Variants in C3orf22 observed in about 807,000 individuals in gnomAD.
C3orf22 encodes uncharacterized protein C3orf22.
In C3orf22, 7 loss-of-function variants were observed where a neutral mutation model predicts 10.8. That is an observed-to-expected ratio of 0.65 (90% confidence interval 0.37 to 1.22). The LOEUF is 1.22. Ranked by LOEUF, C3orf22 falls within the 50% of genes most tolerant of loss-of-function variation. C3orf22 has a pLI of 0.02. For synonymous variants in C3orf22, 79 were observed against 78.9 expected, an observed-to-expected ratio of 1.00 and a Z score of 0.00; for missense variants, 173 against 177.0, an observed-to-expected ratio of 0.98 and a Z score of 0.13.
chr3:126,541,211 A>G (rs767779817), intron 4 of C3orf22, among the ~76,000 whole-genome samples: 3 of 152,188 alleles, frequency 2.0e-5, no homozygotes, highest in Non-Finnish European at 4.4e-5. Context: ...CAGCGCTGAG[A>G]TAAGAATTTG....
At chr3:126,556,763 TCACA>T (rs1559756513) in intron 1 of C3orf22, among the ~76,000 whole-genome samples, 1 of 133,490 alleles carries the variant, frequency 7.5e-6, no homozygotes, top group Admixed American at 7.7e-5. Flanking sequence ...ATACGCACAC[TCACA>T]CAGACTCACA....
In C3orf22 at chr3:126,553,368, T is replaced by C. The variant is rs768341431; in HGVS notation, c.23A>G (p.Lys8Arg). Reference protein sequence around the residue: MDSSACKKSHQSKKWRIQ... With the variant: MDSSACKRSHQSKKWRIQ... ...CCTCCACTTCTTACTCTGGTGAGACTTCTTGCAGGCACTGGAGTCCATCAC... is the reference window on the plus strand; with the variant it reads ...CCTCCACTTCTTACTCTGGTGAGACCTCTTGCAGGCACTGGAGTCCATCAC... Residue 8 changes from lysine (K) to arginine (R), a missense_variant, in exon 2 of 4, where the codon AAG (lysine) becomes AGG (arginine). Transcript: ENST00000318225. The C allele has an allele frequency of 1.9e-6, 3 of 1,614,130 alleles. No individual in the cohort carries two copies. In the South Asian group the frequency reaches 3.3e-5, roughly 18 times the overall value.
intron 4 of C3orf22, among the ~76,000 whole-genome samples, chr3:126,537,399 G>A (rs1936819912): frequency 1.3e-5 from 2 of 152,246 alleles, no homozygotes; most frequent in African/African-American, 4.8e-5. Flanking sequence ...TTTTAAGCAA[G>A]GAAGGACAGC....
chr3:126,527,043 A>G (rs1311887727), exon 6 of C3orf22: 1 of 152,196 alleles, frequency 6.6e-6, no homozygotes, highest in African/African-American at 2.4e-5. Flanking sequence ...TCTCAGCTCT[A>G]TGTCTTCTGC....
chr3:126,533,701 G>C (rs1936705957), intron 4 of C3orf22, among the ~76,000 whole-genome samples: 2 of 152,080 alleles, frequency 1.3e-5, no homozygotes. Context: ...TGATGTCTTT[G>C]TCTGGTTTGG....
chr3:126,542,513 G>C, intron 4 of C3orf22: 2 of 1,566,536 alleles, frequency 1.3e-6, no homozygotes, highest in South Asian at 1.2e-5. Flanking sequence ...GCGCCTCTTC[G>C]ACCTCTACAA....
rs1937326869 is a variant in C3orf22 at position 126,556,257 on chromosome 3, G to T, written c.-41+2370C>A. Among the ~76,000 whole-genome samples the T allele has an allele frequency of 5.9e-5, 9 of 152,294 alleles. No individual in the cohort carries two copies. In the South Asian group the frequency reaches 1.9e-3, roughly 32 times the overall value. On this transcript the variant is annotated intron_variant, in intron 1 of 3. Transcript: ENST00000318225. The stretch of plus-strand genomic sequence containing the variant: ...ATGCACTAGGCCATGCACAGAGAGT[G>T]ACAGCAGCCCCTCACCAATGAGGGC...
rs201846858 is a variant in C3orf22, at chr3:126,549,839, A to G, written c.*29T>C. 5,738 of 1,586,764 alleles carry G rather than the reference A, an allele frequency of 3.6e-3. 25 individuals carry two copies. Among genetic ancestry groups the G allele is most frequent in the Non-Finnish European group, 3.7e-3 (4,257 of 1,165,612 alleles). ...GAGCCTGCCAAGGAGAAGGTGGCCA[A>G]TAAGAAGGCCACACACAGAGCCCAG... On this transcript the variant is annotated 3_prime_UTR_variant, in exon 4 of 4. Transcript: ENST00000318225.
chr3:126,554,694 T>G (rs1350004946), intron 1 of C3orf22, among the ~76,000 whole-genome samples: 1 of 152,112 alleles, frequency 6.6e-6, no homozygotes, highest in African/African-American at 2.4e-5. Context: ...ACTGGTGTGT[T>G]TTCATGGTAG....
chr3:126,540,702 A>G (rs1391983857), intron 4 of C3orf22, among the ~76,000 whole-genome samples: 1 of 152,204 alleles, frequency 6.6e-6, no homozygotes. Flanking sequence ...TTTTTGCATG[A>G]TGCACGTTTT....
chr3:126,554,259 GTTGTTT>G (rs71629465), intron 1 of C3orf22, among the ~76,000 whole-genome samples: 58,572 of 128,594 alleles, frequency 0.46, 12,251 homozygotes, highest in East Asian at 0.59. Flanking sequence ...TTGTTTTTCT[GTTGTTT>G]TTTTTTTTTT....
intron 4 of C3orf22, among the ~76,000 whole-genome samples, chr3:126,533,165 T>A (rs1936693519): frequency 6.6e-6 from 1 of 152,194 alleles, no homozygotes; most frequent in South Asian, 2.1e-4. Context: ...TATACGGTTA[T>A]GTCATCTATG....
chr3:126,549,200 TC>T (rs1937121955), downstream of C3orf22, among the ~76,000 whole-genome samples: 1 of 150,784 alleles, frequency 6.6e-6, no homozygotes, highest in African/African-American at 2.5e-5. Flanking sequence ...TGTCCCCAGG[TC>T]CCCCATTCTC....
At chr3:126,537,610 C>T (rs1033321459) in intron 4 of C3orf22, among the ~76,000 whole-genome samples, 1 of 152,184 alleles carries the variant, frequency 6.6e-6, no homozygotes, top group African/African-American at 2.4e-5. Flanking sequence ...AGCAGGCTGA[C>T]GGTAGGACAG....
chr3:126,544,701 C>T (rs1937037456), downstream of C3orf22, among the ~76,000 whole-genome samples: 1 of 152,262 alleles, frequency 6.6e-6, no homozygotes, highest in Non-Finnish European at 1.5e-5. Context: ...TCCCAGGTGT[C>T]TCACAATTAG....
intron 3 of C3orf22, among the ~76,000 whole-genome samples, chr3:126,551,517 G>A (rs763072211): frequency 2.6e-5 from 4 of 152,200 alleles, no homozygotes; most frequent in Admixed American, 6.5e-5. Context: ...TTCTTTGAGC[G>A]CCCCATGCAT....
chr3:126,545,072 G>A (rs1468498067), downstream of C3orf22, among the ~76,000 whole-genome samples: 1 of 152,244 alleles, frequency 6.6e-6, no homozygotes, highest in Admixed American at 6.5e-5. Flanking sequence ...TGGGATCCCA[G>A]CTGGATCACT....
chr3:126,548,013 T>C (rs368213275), downstream of C3orf22, among the ~76,000 whole-genome samples: 5 of 152,320 alleles, frequency 3.3e-5, no homozygotes, highest in South Asian at 8.3e-4. Context: ...TCTTATATAA[T>C]TGAAAAAAGC....
chr3:126,540,017 T>C (rs1391320081), intron 4 of C3orf22, among the ~76,000 whole-genome samples: 1 of 123,986 alleles, frequency 8.1e-6, no homozygotes, highest in Non-Finnish European at 1.7e-5. Flanking sequence ...CACACACGCA[T>C]GCCACACACA....
Sources: gnomAD v4.1 joint callset for allele counts (sites outside exome capture counted in the v4.1 genomes callset) on GRCh38, gnomAD v4.1.1 for gene constraint, MANE v1.5 for transcripts, NCBI Gene and HGNC (gene_info 2026-07-23, HGNC 2026-07-21) for gene names.